MPRIP: variants seen among roughly 807,000 people sequenced by gnomAD.
MPRIP encodes the protein myosin phosphatase Rho-interacting protein.
In MPRIP, 59 loss-of-function variants were observed where a neutral mutation model predicts 234.9. That is an observed-to-expected ratio of 0.25 (90% CI 0.20 to 0.31). The LOEUF is 0.31. MPRIP is among the 10% of genes least tolerant of loss of function. MPRIP has a pLI of 1.00. For missense variants in MPRIP, 2,436 were observed against 3,071.0 expected, an observed-to-expected ratio of 0.79 and a Z score of 4.89; for synonymous variants, 1,144 against 1,263.9, an observed-to-expected ratio of 0.91 and a Z score of 2.01.
At chr17:17,182,118 G>A (rs1250505047) in intron 23 of MPRIP, 1 of 152,216 alleles carries the variant, frequency 6.6e-6, no homozygotes, top group African/African-American at 2.4e-5. Context: ...GACATTAGGA[G>A]GCACAGGCAT....
chr17:17,090,589 CA>C (rs2089692232), intron 3 of MPRIP, among the ~76,000 whole-genome samples: 1 of 152,136 alleles, frequency 6.6e-6, no homozygotes, highest in African/African-American at 2.4e-5. Context: ...GGCAAAAGTC[CA>C]AGGCTCACTT....
chr17:17,080,725 C>T (rs1047802089), intron 3 of MPRIP, among the ~76,000 whole-genome samples: 8 of 152,182 alleles, frequency 5.3e-5, no homozygotes, highest in Non-Finnish European at 7.3e-5. Flanking sequence ...TGAGCAGTTT[C>T]GACAGGGGTT....
In MPRIP at chr17:17,148,922, T is replaced by G. The variant is rs181367425; in HGVS notation, c.1630-1222T>G. ...AAAATTTGTATTCACCATCATGAAC[T>G]TCCCTTTACTTACACTCTCCTGATG... On this transcript the variant is annotated intron_variant, in intron 11 of 23. Coordinates refer to ENST00000651222, the MANE Select transcript of MPRIP (RefSeq NM_001364716.4). Among the ~76,000 whole-genome samples, 1,066 of 152,342 alleles carry G rather than the reference T, an allele frequency of 7.0e-3. 14 individuals are homozygous for G. Among genetic ancestry groups the G allele is most frequent in the Middle Eastern group, 0.024 (7 of 294 alleles).
intron 3 of MPRIP, among the ~76,000 whole-genome samples, chr17:17,123,717 AAAAAAAAG>A (rs1230772298): frequency 1.3e-5 from 2 of 151,380 alleles, no homozygotes; most frequent in African/African-American, 4.9e-5. Context: ...AAAAAAAAAA[AAAAAAAAG>A]AAAGAAAAAA....
intron 1 of MPRIP, among the ~76,000 whole-genome samples, chr17:17,066,627 A>C (rs982600841): frequency 1.0e-4 from 15 of 148,326 alleles, no homozygotes; most frequent in African/African-American, 1.5e-4. Flanking sequence ...CAAACCACGG[A>C]TAGTACTGAA....
rs1194221741 is a variant in MPRIP, at chr17:17,166,328, A to G, written c.4737A>G (p.Ile1579Met). The G allele has an allele frequency of 7.7e-7, 1 of 1,304,464 alleles. No individual in the cohort carries two copies. The highest frequency in any genetic ancestry group is 1.0e-6 in the Non-Finnish European group (1 of 989,038). The allele number at this position is 1,304,464 out of a possible 1,614,324, so 80.8% of individuals were successfully genotyped here. A position where few individuals can be genotyped will look rare whatever the true frequency, so the allele number is the denominator to read the frequency against. ...TGGAGGCCTCGCTGATCAGCCAGAT[A>G]GCAGATTCCCTGAAGAACACAACAT... Reference protein sequence around the residue: ...IALEASLISQIADSLKNTTSD... With the variant: ...IALEASLISQMADSLKNTTSD... The change falls in exon 16 of 24, where the codon ATA becomes ATG. Residue 1579 changes from isoleucine to methionine, a missense_variant. By Grantham distance (10) the Ile-to-Met change is conservative. Coordinates refer to ENST00000651222, the MANE Select transcript of MPRIP (RefSeq NM_001364716.4). The surrounding 1 kb of genome is among the most constrained non-coding windows in gnomAD (Gnocchi z 4.4).
intron 4 of MPRIP, among the ~76,000 whole-genome samples, chr17:17,128,463 C>T (rs1443347107): frequency 6.6e-6 from 1 of 152,182 alleles, no homozygotes; most frequent in Non-Finnish European, 1.5e-5. Context: ...ATCCCAAGCC[C>T]CTCTCCTGGG....
chr17:17,128,586 A>G (rs997128398), intron 4 of MPRIP, among the ~76,000 whole-genome samples: 1 of 152,118 alleles, frequency 6.6e-6, no homozygotes. Flanking sequence ...TCTGGGCCCT[A>G]CGTGTGTGGT....
rs1462467430 is a variant in MPRIP, at chr17:17,154,331, C to T, written c.1745C>T (p.Ser582Leu). The change falls in exon 13 of 24, where the codon TCG (serine) becomes TTG (leucine). Residue 582 changes from serine to leucine, a missense_variant. Transcript: ENST00000651222. ...IHTKEGEFTL[S>L]AMTSGIRRNW... ...ACAAAGGAGGGCGAGTTTACCCTGTCGGCCATGACATCTGGGATTCGGCGG... is the reference window on the plus strand; with the variant it reads ...ACAAAGGAGGGCGAGTTTACCCTGTTGGCCATGACATCTGGGATTCGGCGG... 1.2e-6 allele frequency: 2 copies of T among 1,614,056 alleles called. No homozygotes were observed. Among genetic ancestry groups the T allele is most frequent in the Non-Finnish European group, 1.7e-6 (2 of 1,180,026 alleles).
intron 3 of MPRIP, among the ~76,000 whole-genome samples, chr17:17,096,488 T>C (rs2089848910): frequency 6.6e-6 from 1 of 152,190 alleles, no homozygotes; most frequent in South Asian, 2.1e-4. Context: ...TCCAGATTCT[T>C]CTGGTTGGAA....
At chr17:17,045,788 A>G (rs554948750) in intron 1 of MPRIP, among the ~76,000 whole-genome samples, 1 of 150,552 alleles carries the variant, frequency 6.6e-6, no homozygotes, top group South Asian at 2.1e-4. Context: ...TCTCAGCGAC[A>G]TACGGACCCA....
In MPRIP at chr17:17,127,295, G is replaced by C. The variant is rs1455980604; in HGVS notation, c.419+442G>C. ...GTCCACGTGTGTCTCTGTCAGTGGT[G>C]GTGGGGGTGGGAGGTGTCTCAGTCA... On this transcript the variant is annotated intron_variant, in intron 4 of 23. Transcript: ENST00000651222. Among the ~76,000 whole-genome samples, 3 of 152,384 alleles carry C rather than the reference G, an allele frequency of 2.0e-5. No individual in the cohort carries two copies. The East Asian group carries it at 5.8e-4, about 29-fold the overall frequency.
chr17:17,164,764 C>T lies in MPRIP; in HGVS notation c.3173C>T (p.Ala1058Val), dbSNP rs1197153309. Residue 1058 changes from alanine (A) to valine (V), a missense_variant, in exon 16 of 24, where the codon GCA becomes GTA. By Grantham distance (64) the Ala-to-Val change is moderately conservative. Transcript: ENST00000651222. ...TATGAGGACCAGCTGCAGGGTCAGG[C>T]ACAGCAGGTGGAGACCCTGCAGAAG... Reference protein sequence around the residue: ...SAYEDQLQGQAQQVETLQKEK... With the variant: ...SAYEDQLQGQVQQVETLQKEK... The T allele has an allele frequency of 2.1e-5, 27 of 1,304,134 alleles. No individual in the cohort carries two copies. The South Asian group carries it at 3.2e-4, about 16-fold the overall frequency. The allele number at this position is 1,304,134 out of a possible 1,614,324, so 80.8% of individuals were successfully genotyped here. A position where few individuals can be genotyped will look rare whatever the true frequency, so the allele number is the denominator to read the frequency against.
intron 1 of MPRIP, among the ~76,000 whole-genome samples, chr17:17,067,442 G>A (rs1373189802): frequency 6.6e-6 from 1 of 152,204 alleles, no homozygotes; most frequent in Non-Finnish European, 1.5e-5. Flanking sequence ...CAGCGTGGAT[G>A]CGCTGGACAA....
chr17:17,058,838 T>C (rs796574765), intron 1 of MPRIP, among the ~76,000 whole-genome samples: 3 of 152,216 alleles, frequency 2.0e-5, no homozygotes, highest in African/African-American at 7.2e-5. Context: ...TAAAGGCAAG[T>C]TTGTGTTTGG....
At chr17:17,177,037 C>T (rs901890397) in intron 21 of MPRIP, among the ~76,000 whole-genome samples, 1 of 152,230 alleles carries the variant, frequency 6.6e-6, no homozygotes, top group African/African-American at 2.4e-5. Context: ...GGAGATTATC[C>T]TGCCATGTCC....
At chr17:17,075,814 G>A in intron 2 of MPRIP, 27 bp downstream of exon 2, 1 of 1,610,484 alleles carries the variant, frequency 6.2e-7, no homozygotes, top group Admixed American at 1.7e-5. Context: ...CAACTCTCAG[G>A]GAGGAACCAG....
At position 17,177,399 on chromosome 17, in the gene MPRIP, G is replaced by C. The variant is rs748076749; in HGVS notation, c.7107G>C (p.Thr2369=). Residue 2369 remains threonine, a synonymous_variant, in exon 22 of 24, where the codon ACG becomes ACC. Transcript: ENST00000651222. ...GGGAGAAGTCCCCTGACAGTGCCAC[G>C]GTGTCCGGATATGGTGCGTCCTCGG... The part of the protein sequence containing the change: ...ALGEKSPDSA[T]VSGYDIMKSK... 24 of 1,613,454 alleles carry C rather than the reference G, an allele frequency of 1.5e-5. No individual in the cohort carries two copies. The highest frequency in any genetic ancestry group is 3.4e-6 in the Non-Finnish European group (4 of 1,179,968).
intron 3 of MPRIP, among the ~76,000 whole-genome samples, chr17:17,090,803 G>T (rs879366690): frequency 6.6e-6 from 1 of 152,182 alleles, no homozygotes; most frequent in Admixed American, 6.5e-5. Context: ...TTGAGCCACA[G>T]GTTGGAGACC....
Sources: allele counts gnomAD v4.1 joint callset (sites outside exome capture counted in the v4.1 genomes callset), GRCh38; gene constraint gnomAD v4.1.1; non-coding constraint Gnocchi (gnomAD v3.1); transcripts MANE v1.5; gene names NCBI Gene and HGNC (gene_info 2026-07-23, HGNC 2026-07-21).